The following CNOT6L variants were observed in gnomAD, a reference collection of about 807,000 sequenced individuals.
The protein encoded by CNOT6L is CCR4-NOT transcription complex subunit 6-like.
A neutral mutation model predicts 64.0 loss-of-function variants in CNOT6L; 7 were observed. That is an observed-to-expected ratio of 0.11 (90% CI 0.06 to 0.21). CNOT6L has a LOEUF of 0.21. CNOT6L is among the 10% of genes least tolerant of loss of function. The pLI, the probability that CNOT6L is intolerant of heterozygous loss-of-function variation, is 1.00. For missense variants in CNOT6L, 245 were observed against 669.0 expected (o/e 0.37, Z 6.99); for synonymous variants, 193 against 243.4 (o/e 0.79, Z 1.93).
chr4:77,723,654 C>T (rs565777706), intron 11 of CNOT6L, among the ~76,000 whole-genome samples: 194 of 152,268 alleles, frequency 1.3e-3, no homozygotes, highest in African/African-American at 3.8e-3. Context: ...ATCTATCCAG[C>T]CAGCCTATTT....
At chr4:77,803,796 G>A (rs907041075) in intron 1 of CNOT6L, among the ~76,000 whole-genome samples, 10 of 152,062 alleles carry the variant, frequency 6.6e-5, no homozygotes, top group African/African-American at 2.2e-4. Context: ...CCAGCTACTC[G>A]GGAGGCTGAG....
rs1723663914 is a variant in CNOT6L at position 77,742,117 on chromosome 4, T to TGG, written c.872+23_872+24insCC. The TGG allele has an allele frequency of 3.7e-6, 6 of 1,602,034 alleles. No individual in the cohort carries two copies. The East Asian group carries it at 9.0e-5, about 24-fold the overall frequency. ...CATTTAAATAAATAAAAGTACACCA[T>TGG]TGTGCTTTGTTTCCTTAACTTACTT... On this transcript the variant is annotated intron_variant, in intron 8 of 11. Coordinates refer to ENST00000504123, the MANE Select transcript of CNOT6L (RefSeq NM_144571.3).
chr4:77,746,814 T>C (rs1255100221), intron 6 of CNOT6L, among the ~76,000 whole-genome samples: 2 of 152,126 alleles, frequency 1.3e-5, no homozygotes, highest in East Asian at 3.9e-4. Context: ...CCTTAGGTAC[T>C]CCTTTCACTT....
chr4:77,757,211 A>C (rs2110001988), intron 4 of CNOT6L, among the ~76,000 whole-genome samples: 1 of 152,286 alleles, frequency 6.6e-6, no homozygotes, highest in South Asian at 2.1e-4. Flanking sequence ...ATTCTGAAGT[A>C]ATATCACAAC....
intron 4 of CNOT6L, among the ~76,000 whole-genome samples, chr4:77,760,880 T>TTTTTTTTTTTTG (rs1726145649): frequency 7.8e-6 from 1 of 128,858 alleles, no homozygotes; most frequent in African/African-American, 2.9e-5. Context: ...TTTTTTTTTT[T>TTTTTTTTTTTTG]TTTTTTTTTT....
intron 1 of CNOT6L, among the ~76,000 whole-genome samples, chr4:77,798,178 T>G (rs1369820132): frequency 1.3e-5 from 2 of 151,980 alleles, no homozygotes; most frequent in African/African-American, 2.4e-5. Context: ...TAATACAAAA[T>G]CAGCCAGGAG....
intron 2 of CNOT6L, among the ~76,000 whole-genome samples, chr4:77,775,438 A>G (rs1728042600): frequency 6.6e-6 from 1 of 152,180 alleles, no homozygotes; most frequent in South Asian, 2.1e-4. Context: ...ATTTTGTAAT[A>G]ATTTTAGATT....
intron 1 of CNOT6L, among the ~76,000 whole-genome samples, chr4:77,780,887 T>C (rs1012710805): frequency 6.6e-6 from 1 of 152,142 alleles, no homozygotes; most frequent in Non-Finnish European, 1.5e-5. Flanking sequence ...CGCTTGCAGC[T>C]AGGAGTTCAA....
chr4:77,742,392 A>G (rs1234236848), intron 7 of CNOT6L, 97 bp from the exon 8 acceptor site: 2 of 1,108,568 alleles, frequency 1.8e-6, no homozygotes, highest in African/African-American at 3.1e-5. Context: ...TAACTTAGTA[A>G]AAATAATTCA....
chr4:77,787,085 G>A (rs2110097235), intron 1 of CNOT6L, among the ~76,000 whole-genome samples: 1 of 152,040 alleles, frequency 6.6e-6, no homozygotes, highest in South Asian at 2.1e-4. Context: ...GGCCAACATG[G>A]CGAAACCCCG....
intron 1 of CNOT6L, among the ~76,000 whole-genome samples, chr4:77,799,238 G>GGCA (rs1377310497): frequency 6.6e-6 from 1 of 152,080 alleles, no homozygotes; most frequent in Non-Finnish European, 1.5e-5. Flanking sequence ...GACCAGCCTG[G>GGCA]GCAACACATC....
intron 11 of CNOT6L, among the ~76,000 whole-genome samples, chr4:77,724,448 G>A (rs1185700726): frequency 6.6e-6 from 1 of 151,976 alleles, no homozygotes; most frequent in Non-Finnish European, 1.5e-5. Flanking sequence ...AGACCAGCAT[G>A]GGCAACATGG....
At chr4:77,773,257 ATGAG>A (rs991279880) in intron 3 of CNOT6L, 91 bp from the exon 4 acceptor site, 1 of 717,724 alleles carries the variant, frequency 1.4e-6, no homozygotes, top group African/African-American at 1.8e-5. Context: ...CTAACATACT[ATGAG>A]TGATTGTTTA....
intron 4 of CNOT6L, among the ~76,000 whole-genome samples, chr4:77,770,505 T>C (rs907948244): frequency 7.9e-5 from 12 of 152,208 alleles, no homozygotes; most frequent in African/African-American, 2.7e-4. Context: ...CATCTTAAAC[T>C]TTTTTAAAAG....
At chr4:77,820,054 C>CGCCGCTGCGGGGGTT (rs1734110452), upstream of CNOT6L, among the ~76,000 whole-genome samples, 1 of 152,088 alleles carries the variant, frequency 6.6e-6, no homozygotes, top group Non-Finnish European at 1.5e-5. Flanking sequence ...CTGGGGCTGC[C>CGCCGCTGCGGGGGTT]GCCGCTGCGG....
chr4:77,770,154 C>T (rs1354757676), intron 4 of CNOT6L, among the ~76,000 whole-genome samples: 1 of 152,044 alleles, frequency 6.6e-6, no homozygotes, highest in Non-Finnish European at 1.5e-5. Flanking sequence ...CCTCAAATCT[C>T]AAAATAAAAT....
At chr4:77,807,159 T>TC (rs1329487891) in intron 1 of CNOT6L, among the ~76,000 whole-genome samples, 2 of 151,162 alleles carry the variant, frequency 1.3e-5, no homozygotes, top group East Asian at 3.9e-4. Context: ...GTGCCTGTAA[T>TC]CCCAGCTACT....
At chr4:77,729,426 T>G (rs1207820296) in intron 9 of CNOT6L, among the ~76,000 whole-genome samples, 1 of 152,202 alleles carries the variant, frequency 6.6e-6, no homozygotes, top group Non-Finnish European at 1.5e-5. Context: ...CAATTTAAAT[T>G]CTTACTACTG....
At chr4:77,820,219 A>G (rs1192794514), upstream of CNOT6L, among the ~76,000 whole-genome samples, 1 of 152,010 alleles carries the variant, frequency 6.6e-6, no homozygotes, top group Non-Finnish European at 1.5e-5. Context: ...CAAGGTGCAG[A>G]GAGTGCGAGA....
Sources: gnomAD v4.1 joint callset for allele counts (sites outside exome capture counted in the v4.1 genomes callset) on GRCh38, gnomAD v4.1.1 for gene constraint, MANE v1.5 for transcripts, NCBI Gene and HGNC (gene_info 2026-07-23, HGNC 2026-07-21) for gene names.